RNF130: variants seen among roughly 807,000 people sequenced by gnomAD.
RNF130 encodes E3 ubiquitin-protein ligase RNF130.
Under a neutral mutation model 44.6 loss-of-function variants are expected in RNF130, and 21 were observed. That is an observed-to-expected ratio of 0.47 (90% CI 0.33 to 0.68). The LOEUF is 0.68. Among genes scored for constraint, RNF130 ranks in the 30% least tolerant of loss-of-function variants. The pLI is 0.02. For synonymous variants in RNF130, 214 were observed against 210.4 expected (o/e 1.02, Z -0.15); for missense variants, 479 against 560.6 (o/e 0.85, Z 1.47).
intron 1 of RNF130, among the ~76,000 whole-genome samples, chr5:180,049,208 G>A (rs1161403190): frequency 1.3e-5 from 2 of 152,118 alleles, no homozygotes; most frequent in South Asian, 2.1e-4. Flanking sequence ...TTTGACACAG[G>A]GAGACAGCTA....
At chr5:179,988,609 CATTT>C (rs35997713) in intron 3 of RNF130, among the ~76,000 whole-genome samples, 19,203 of 152,108 alleles carry the variant, frequency 0.13, 1,362 homozygotes, top group East Asian at 0.27. Flanking sequence ...TTTCCATTTT[CATTT>C]ATTTCAAGAA....
At chr5:180,064,687 T>C (rs763209608) in intron 1 of RNF130, among the ~76,000 whole-genome samples, 4 of 152,214 alleles carry the variant, frequency 2.6e-5, no homozygotes, top group Non-Finnish European at 4.4e-5. Flanking sequence ...CCCCATCCTG[T>C]GAGATGAATA....
chr5:179,973,916 A>G (rs572151915), intron 5 of RNF130, among the ~76,000 whole-genome samples: 1 of 152,298 alleles, frequency 6.6e-6, no homozygotes, highest in Admixed American at 6.5e-5. Context: ...GGGGATACAG[A>G]ACGAGAAACA....
intron 3 of RNF130, among the ~76,000 whole-genome samples, chr5:180,009,985 C>T (rs1198788195): frequency 3.3e-5 from 5 of 152,100 alleles, no homozygotes; most frequent in African/African-American, 9.7e-5. Context: ...CAGTGGCTCA[C>T]GCCTGTAATC....
chr5:180,016,342 T>TCAGTAGGGATACA (rs55716450), intron 2 of RNF130, among the ~76,000 whole-genome samples: 1 of 151,834 alleles, frequency 6.6e-6, no homozygotes, highest in Non-Finnish European at 1.5e-5. Flanking sequence ...TGGCCCAGTT[T>TCAGTAGGGATACA]CACGCCAAAG....
downstream of RNF130, among the ~76,000 whole-genome samples, chr5:179,952,931 C>T (rs1369298008): frequency 6.6e-6 from 1 of 152,064 alleles, no homozygotes; most frequent in African/African-American, 2.4e-5. Flanking sequence ...GAGATCACAA[C>T]AACACATGGA....
At chr5:179,927,654 T>A (rs1359262920) in intron 7 of RNF130, among the ~76,000 whole-genome samples, 1 of 150,214 alleles carries the variant, frequency 6.7e-6, no homozygotes. Flanking sequence ...AGTGGCTTGA[T>A]CTTGGCTCAC....
At chr5:179,974,003 T>C (rs978636007) in intron 5 of RNF130, among the ~76,000 whole-genome samples, 1 of 152,098 alleles carries the variant, frequency 6.6e-6, no homozygotes, top group Non-Finnish European at 1.5e-5. Flanking sequence ...ACACATGCCA[T>C]GAACTAGAGT....
At chr5:179,957,344 A>G (rs1762233401) in intron 8 of RNF130, among the ~76,000 whole-genome samples, 1 of 151,884 alleles carries the variant, frequency 6.6e-6, no homozygotes, top group African/African-American at 2.4e-5. Flanking sequence ...CCTGGGAGGC[A>G]GAAGTTGCAG....
chr5:179,988,430 T>C (rs1256156991), intron 3 of RNF130, among the ~76,000 whole-genome samples: 1 of 152,240 alleles, frequency 6.6e-6, no homozygotes, highest in East Asian at 1.9e-4. Flanking sequence ...ATTTCTTTCA[T>C]TCTACCAATT....
At chr5:179,919,065 C>A (rs914094071) in exon 8 of RNF130, 2 of 152,200 alleles carry the variant, frequency 1.3e-5, no homozygotes, top group East Asian at 3.8e-4. Flanking sequence ...AGGGTCTGTG[C>A]GCCTCACGCC....
intron 1 of RNF130, among the ~76,000 whole-genome samples, chr5:180,062,916 A>C (rs1765020325): frequency 6.6e-6 from 1 of 152,210 alleles, no homozygotes; most frequent in African/African-American, 2.4e-5. Flanking sequence ...AATATAGCAA[A>C]CACTGTGGGA....
intron 7 of RNF130, among the ~76,000 whole-genome samples, chr5:179,930,270 C>A (rs553917815): frequency 7.3e-4 from 111 of 152,236 alleles, no homozygotes; most frequent in Middle Eastern, 6.8e-3. Context: ...GTTGGTCAGG[C>A]TGATCTCGAA....
intron 7 of RNF130, chr5:179,963,789 T>C (rs1762381720): frequency 1.8e-6 from 1 of 546,558 alleles, no homozygotes; most frequent in Non-Finnish European, 3.3e-6. Flanking sequence ...GGCTCAACCA[T>C]TTCTTCCATT....
intron 4 of RNF130, among the ~76,000 whole-genome samples, chr5:179,979,573 GTCCTTCT>G (rs1762786080): frequency 6.6e-6 from 1 of 152,056 alleles, no homozygotes; most frequent in Non-Finnish European, 1.5e-5. Flanking sequence ...ATGCAACTGT[GTCCTTCT>G]AGCGGAGAAG....
rs1561700483 is a variant in RNF130, at chr5:180,033,192, G to A, written c.442+7261C>T. ...AGACAGGGTCCCCCTATGTTGCCCA[G>A]GCTGGTTTTAAACTCCTGGGCTCAA... On this transcript the variant is annotated intron_variant, in intron 2 of 8. Coordinates refer to ENST00000521389, the MANE Select transcript of RNF130 (RefSeq NM_018434.6). 3.3e-5 allele frequency among the ~76,000 whole-genome samples: 5 copies of A among 151,896 alleles called. No individual in the cohort carries two copies. The South Asian group carries it at 1.0e-3, about 32-fold the overall frequency.
Position 179,980,128 on chromosome 5 carries a change from C to A in RNF130, c.765+1G>T. On this transcript the variant is annotated splice_donor_variant, in intron 4 of 8. Transcript: ENST00000521389. LOFTEE classifies it high-confidence loss of function. ...GTGCTGAAGTTGTTTCATGACTGTA[C>A]CTTGTCACCCTTCTTTACTGTCCTG... The A allele has an allele frequency of 6.2e-7, 1 of 1,613,760 alleles. No individual in the cohort carries two copies. The highest frequency in any genetic ancestry group is 8.5e-7 in the Non-Finnish European group (1 of 1,179,716).
Position 179,977,197 on chromosome 5 carries a change from T to C in RNF130, c.848+1006A>G, listed in dbSNP as rs921626049. On this transcript the variant is annotated intron_variant, in intron 5 of 8. Transcript: ENST00000521389. This position sits in a 1 kb window ranked among gnomAD's most constrained non-coding sequence, Gnocchi z 4.1. The stretch of plus-strand genomic sequence containing the variant: ...CCTCTTAGGACTGCTGGGAGAATTA[T>C]AGGAGACAGTGAGTATAGTCTGCTC... The C allele has an allele frequency of 3.3e-5, 5 of 152,244 alleles. No homozygotes were observed. Among genetic ancestry groups the C allele is most frequent in the East Asian group, 1.9e-4 (1 of 5,202 alleles). 9.4% of individuals were successfully genotyped at this position (152,244 alleles called of 1,614,324 possible). A position where few individuals can be genotyped will look rare whatever the true frequency, so the allele number is the denominator to read the frequency against.
At chr5:179,994,926 A>G (rs1763170428) in intron 3 of RNF130, among the ~76,000 whole-genome samples, 2 of 152,182 alleles carry the variant, frequency 1.3e-5, no homozygotes, top group Non-Finnish European at 2.9e-5. Context: ...GGGCCAGGGA[A>G]AGCTCAGTGG....
Sources: allele counts gnomAD v4.1 joint callset (sites outside exome capture counted in the v4.1 genomes callset), GRCh38; gene constraint gnomAD v4.1.1; non-coding constraint Gnocchi (gnomAD v3.1); transcripts MANE v1.5; gene names NCBI Gene and HGNC (gene_info 2026-07-23, HGNC 2026-07-21).